The following RBFOX3 variants were observed in gnomAD, a reference collection of about 807,000 sequenced individuals.
RBFOX3 encodes RNA binding fox-1 homolog 3.
In RBFOX3, 17 loss-of-function variants were observed where a neutral mutation model predicts 48.7. That is an observed-to-expected ratio of 0.35 (90% confidence interval 0.24 to 0.52). RBFOX3 has a LOEUF of 0.52. RBFOX3 is among the 20% of genes least tolerant of loss of function. The probability of loss-of-function intolerance (pLI) is 0.94; values close to 1 mark genes in which losing one functional copy is unlikely to be tolerated. For synonymous variants in RBFOX3, 212 were observed against 209.5 expected, an observed-to-expected ratio of 1.01 and a Z score of -0.10; for missense variants, 382 against 497.5, an observed-to-expected ratio of 0.77 and a Z score of 2.21.
Position 79,375,688 on chromosome 17 carries a change from C to A in RBFOX3, c.-174-67864G>T, listed in dbSNP as rs1213591788. 4.6e-5 allele frequency among the ~76,000 whole-genome samples: 7 copies of A among 152,100 alleles called. No individual in the cohort carries two copies. The East Asian group carries it at 1.4e-3, about 29-fold the overall frequency. ...GGGGATGGAGTTGCCCCCTTGGAGGCCATAAGGGGCACAACTCTGATACCC... is the reference window on the plus strand; with the variant it reads ...GGGGATGGAGTTGCCCCCTTGGAGGACATAAGGGGCACAACTCTGATACCC... On this transcript the variant is annotated intron_variant, in intron 2 of 14. Coordinates refer to ENST00000693108, the MANE Select transcript of RBFOX3 (RefSeq NM_001350451.2).
rs994034971 is a variant in RBFOX3, at chr17:79,299,374, T to A, written c.-74+8350A>T. On this transcript the variant is annotated intron_variant, in intron 3 of 14. Transcript: ENST00000693108. The surrounding 1 kb of genome is among the most constrained non-coding windows in gnomAD (Gnocchi z 4.5). Reference sequence around the variant, plus strand: ...GTCCTCTGGATCTTAGAGTTCTGCATCCATGGATTAAACCAACCACAGGTC... The same window carrying A: ...GTCCTCTGGATCTTAGAGTTCTGCAACCATGGATTAAACCAACCACAGGTC... Among the ~76,000 whole-genome samples the A allele has an allele frequency of 6.6e-6, 1 of 152,082 alleles. No homozygotes were observed. Among genetic ancestry groups the A allele is most frequent in the African/African-American group, 2.4e-5 (1 of 41,404 alleles).
chr17:79,157,582 G>T (rs1360402585), intron 4 of RBFOX3, among the ~76,000 whole-genome samples: 1 of 152,186 alleles, frequency 6.6e-6, no homozygotes, highest in Non-Finnish European at 1.5e-5. Context: ...TTGTACAGGG[G>T]CCGGGTTTCC....
chr17:79,190,255 T>C (rs534269406), intron 4 of RBFOX3, among the ~76,000 whole-genome samples: 4 of 151,800 alleles, frequency 2.6e-5, no homozygotes, highest in Non-Finnish European at 5.9e-5. Context: ...CTACTAAAAA[T>C]ACAAAATTAG....
At chr17:79,154,938 C>T (rs2045435648) in intron 4 of RBFOX3, among the ~76,000 whole-genome samples, 1 of 152,146 alleles carries the variant, frequency 6.6e-6, no homozygotes, top group Admixed American at 6.5e-5. Flanking sequence ...CCTGCGCCTC[C>T]CAGGACACCT....
At chr17:79,197,871 C>T (rs772157199) in intron 4 of RBFOX3, among the ~76,000 whole-genome samples, 7 of 152,050 alleles carry the variant, frequency 4.6e-5, no homozygotes, top group Non-Finnish European at 7.3e-5. Context: ...AGCAGGGAGC[C>T]GGAAACCCAA....
the RBFOX3 span, among the ~76,000 whole-genome samples, chr17:79,663,361 C>T: frequency 6.6e-6 from 1 of 152,190 alleles, no homozygotes; most frequent in Non-Finnish European, 1.5e-5. Flanking sequence ...AGATTTCAGA[C>T]TCTTAATGCA....
intron 2 of RBFOX3, among the ~76,000 whole-genome samples, chr17:79,414,580 ACTGT>A (rs1316093651): frequency 2.0e-5 from 3 of 152,066 alleles, no homozygotes; most frequent in Non-Finnish European, 4.4e-5. Context: ...CCTGTGTCTG[ACTGT>A]CCGTCTGGCT....
intron 4 of RBFOX3, among the ~76,000 whole-genome samples, chr17:79,145,217 G>A (rs940240241): frequency 6.6e-6 from 1 of 152,180 alleles, no homozygotes; most frequent in Admixed American, 6.5e-5. Context: ...CAACACAGGA[G>A]CCTGCGCACG....
chr17:79,448,560 C>A (rs547699691), intron 2 of RBFOX3, among the ~76,000 whole-genome samples: 21 of 152,316 alleles, frequency 1.4e-4, no homozygotes, highest in Non-Finnish European at 2.9e-4. Context: ...CTGGAGGAGG[C>A]AGGATGGACC....
intron 2 of RBFOX3, among the ~76,000 whole-genome samples, chr17:79,402,754 C>T (rs905768330): frequency 5.3e-5 from 8 of 152,176 alleles, no homozygotes; most frequent in East Asian, 3.9e-4. Flanking sequence ...TTTCAGAGCA[C>T]GGGTTTGGAG....
At position 79,214,619 on chromosome 17, in the gene RBFOX3, G is replaced by C. The variant is rs188945928; in HGVS notation, c.-34+21147C>G. ...GCCTCTGTGGCTGTCCAGGGAGAGA[G>C]AGGAGGAGCCCAGGCTCCCAGGCAG... is the stretch of plus-strand genomic sequence containing the variant. On this transcript the variant is annotated intron_variant, in intron 4 of 14. Coordinates refer to ENST00000693108, the MANE Select transcript of RBFOX3 (RefSeq NM_001350451.2). The surrounding 1 kb of genome is among the most constrained non-coding windows in gnomAD (Gnocchi z 4.7). Among the ~76,000 whole-genome samples, 3 of 152,108 alleles carry C rather than the reference G, an allele frequency of 2.0e-5. No individual in the cohort carries two copies. Among genetic ancestry groups the C allele is most frequent in the African/African-American group, 7.2e-5 (3 of 41,514 alleles).
intron 2 of RBFOX3, among the ~76,000 whole-genome samples, chr17:79,447,429 GA>G (rs1162244351): frequency 6.6e-6 from 1 of 152,200 alleles, no homozygotes; most frequent in African/African-American, 2.4e-5. Context: ...GCTTCATCTG[GA>G]AGGTTGTGCC....
chr17:79,642,792 T>C, the RBFOX3 span, among the ~76,000 whole-genome samples: 1 of 152,068 alleles, frequency 6.6e-6, no homozygotes, highest in Non-Finnish European at 1.5e-5. Context: ...AAATGATAGA[T>C]CAATTCTAGC....
chr17:79,175,012 A>AC (rs2050230898), intron 4 of RBFOX3, among the ~76,000 whole-genome samples: 1 of 151,986 alleles, frequency 6.6e-6, no homozygotes, highest in Non-Finnish European at 1.5e-5. Context: ...CCCCGTGCCA[A>AC]CCCCCAGGCA....
At chr17:79,521,415 C>T (rs1157588913) in intron 1 of RBFOX3, among the ~76,000 whole-genome samples, 1 of 152,056 alleles carries the variant, frequency 6.6e-6, no homozygotes, top group African/African-American at 2.4e-5. Context: ...CACATACCCT[C>T]ACAGACTCAC....
rs2061253831 is a variant in RBFOX3 at position 79,390,502 on chromosome 17, A to G, written c.-174-82678T>C. Among the ~76,000 whole-genome samples, 1 of 143,314 alleles carries G rather than the reference A, an allele frequency of 7.0e-6. No individual in the cohort carries two copies. The highest frequency in any genetic ancestry group is 2.6e-5 in the African/African-American group (1 of 38,240). The allele number at this position is 143,314 out of a possible 152,430, so 94.0% of individuals were successfully genotyped here. On this transcript the variant is annotated intron_variant, in intron 2 of 14. Coordinates refer to ENST00000693108, the MANE Select transcript of RBFOX3 (RefSeq NM_001350451.2). The surrounding 1 kb of genome is among the most constrained non-coding windows in gnomAD (Gnocchi z 4.2). ...GCTTTTTTTTTTTTTTTTTAGATGG[A>G]GTCTCGCTCTTGTCGCCCAGGCTGG...
At position 79,212,102 on chromosome 17, in the gene RBFOX3, C is replaced by T. The variant is rs772273781; in HGVS notation, c.-34+23664G>A. Among the ~76,000 whole-genome samples the T allele has an allele frequency of 6.6e-6, 1 of 152,220 alleles. No individual in the cohort carries two copies. The highest frequency in any genetic ancestry group is 1.5e-5 in the Non-Finnish European group (1 of 68,036). ...CTGCATTGGGGAAATTGACCAGCGC[C>T]CAAAGACGGGCCCACCTGGGCATCT... On this transcript the variant is annotated intron_variant, in intron 4 of 14. Coordinates refer to ENST00000693108, the MANE Select transcript of RBFOX3 (RefSeq NM_001350451.2). This position sits in a 1 kb window ranked among gnomAD's most constrained non-coding sequence, Gnocchi z 4.7.
At chr17:79,129,610 T>A (rs898373254) in intron 4 of RBFOX3, among the ~76,000 whole-genome samples, 26 of 152,200 alleles carry the variant, frequency 1.7e-4, no homozygotes, top group African/African-American at 6.0e-4. Flanking sequence ...TCCTTCAAGG[T>A]GCAGAGGACA....
At chr17:79,591,235 C>A (rs1375589712) in intron 1 of RBFOX3, among the ~76,000 whole-genome samples, 1 of 152,192 alleles carries the variant, frequency 6.6e-6, no homozygotes, top group Non-Finnish European at 1.5e-5. Flanking sequence ...ATGTGTCCCC[C>A]CTGGCACAGG....
Sources: gnomAD v4.1 joint callset for allele counts (sites outside exome capture counted in the v4.1 genomes callset) on GRCh38, gnomAD v4.1.1 for gene constraint, Gnocchi (gnomAD v3.1) non-coding constraint, MANE v1.5 for transcripts, NCBI Gene and HGNC (gene_info 2026-07-23, HGNC 2026-07-21) for gene names.